Variants in IPO5 observed in about 807,000 individuals in gnomAD.
The protein encoded by IPO5 is importin-5.
Under a neutral mutation model 143.3 loss-of-function variants are expected in IPO5, and 18 were observed. The ratio of observed to expected loss-of-function variants is 0.13; its 90% CI spans 0.09 to 0.19. The LOEUF (loss-of-function observed/expected upper bound fraction) is 0.19, where lower values mean the gene tolerates loss of function less well. Among genes scored for constraint, IPO5 ranks in the 10% least tolerant of loss-of-function variants. IPO5 has a pLI of 1.00. For missense variants in IPO5, 1,013 were observed against 1,336.9 expected (o/e 0.76, Z 3.78); for synonymous variants, 477 against 465.7 (o/e 1.02, Z -0.31).
At chr13:98,014,278 AG>A in intron 22 of IPO5, 64 bp downstream of exon 22, 1 of 1,295,518 alleles carries the variant, frequency 7.7e-7, no homozygotes, top group Non-Finnish European at 1.1e-6. Context: ...TCTTGCTAAA[AG>A]TAAAAAAAAA....
chr13:97,958,584 G>T (rs935563392), intron 2 of IPO5, among the ~76,000 whole-genome samples: 1 of 151,390 alleles, frequency 6.6e-6, no homozygotes, highest in Admixed American at 6.6e-5. Flanking sequence ...CTTATGGAAG[G>T]CCCTCAAACT....
chr13:98,002,699 T>A lies in IPO5; in HGVS notation c.1249T>A (p.Tyr417Asn). 1.2e-6 allele frequency: 2 copies of A among 1,611,924 alleles called. No homozygotes were observed. The highest frequency in any genetic ancestry group is 1.7e-6 in the Non-Finnish European group (2 of 1,179,100). Residue 417 changes from tyrosine to asparagine, a missense_variant, in exon 15 of 29, where the codon TAT (tyrosine) becomes AAT (asparagine). Tyr to Asn is a moderately radical substitution (Grantham distance 143, BLOSUM62 -2). Transcript: ENST00000651721. ...FLQDPHPRVRYAACNAVGQMA... is the reference protein window; with the variant it reads ...FLQDPHPRVRNAACNAVGQMA... ...CATTTTCCAGCATCCAAGAGTAAGG[T>A]ATGCAGCCTGTAATGCCGTGGGACA...
intron 25 of IPO5, among the ~76,000 whole-genome samples, chr13:98,017,322 TTTTG>T (rs762272316): frequency 8.6e-5 from 13 of 152,000 alleles, no homozygotes; most frequent in Admixed American, 2.0e-4. Context: ...ATAGACTTCT[TTTTG>T]TTTGTTTGTT....
rs1889651642 is a variant in IPO5, at chr13:98,010,807, G to A, written c.2055+583G>A. On this transcript the variant is annotated intron_variant, in intron 20 of 28. Coordinates refer to ENST00000651721, the MANE Select transcript of IPO5 (RefSeq NM_002271.6). Reference sequence around the variant, plus strand: ...TTTTTTTTTTTTTTTTTGAGGTGGAGTCTCTCTTTTTCACCCAGGCTGGAG... The same window carrying A: ...TTTTTTTTTTTTTTTTTGAGGTGGAATCTCTCTTTTTCACCCAGGCTGGAG... Among the ~76,000 whole-genome samples the A allele has an allele frequency of 1.4e-4, 4 of 28,954 alleles. No individual in the cohort carries two copies. The South Asian group carries it at 3.7e-3, about 27-fold the overall frequency. 19.0% of individuals were successfully genotyped at this position (28,954 alleles called of 152,430 possible).
intron 20 of IPO5, 149 bp downstream of exon 20, chr13:98,010,373 C>T (rs887471129): frequency 1.0e-4 from 75 of 744,308 alleles, no homozygotes; most frequent in Non-Finnish European, 1.4e-4. Flanking sequence ...TTAAAGAAAT[C>T]GTATGGATAA....
At chr13:98,014,309 G>C in intron 22 of IPO5, 95 bp downstream of exon 22, 2 of 879,262 alleles carry the variant, frequency 2.3e-6, no homozygotes, top group Admixed American at 5.3e-5. Context: ...ACAGGGTATT[G>C]CTCTGTCACC....
intron 16 of IPO5, among the ~76,000 whole-genome samples, chr13:98,004,264 G>A (rs775495271): frequency 2.1e-4 from 32 of 152,200 alleles, no homozygotes; most frequent in Non-Finnish European, 3.2e-4. Context: ...CATAGCACTG[G>A]CAATTGGTCA....
rs943168004 is a variant in IPO5, at chr13:98,022,989, A to G, written c.*1167A>G. 9 of 152,670 alleles carry G rather than the reference A, an allele frequency of 5.9e-5. No homozygotes were observed. Among genetic ancestry groups the G allele is most frequent in the African/African-American group, 2.2e-4 (9 of 41,478 alleles). 9.5% of individuals were successfully genotyped at this position (152,670 alleles called of 1,614,324 possible). On this transcript the variant is annotated 3_prime_UTR_variant, in exon 29 of 29. Transcript: ENST00000651721. ...TTCTGTTGAAAACTTCAGTGTTAAC[A>G]TTTTTATAGTTTGTACTAAATTTAA...
At chr13:98,000,062 A>T (rs976570670) in intron 12 of IPO5, among the ~76,000 whole-genome samples, 2 of 152,180 alleles carry the variant, frequency 1.3e-5, no homozygotes, top group African/African-American at 4.8e-5. Flanking sequence ...AGGCGGGCGC[A>T]TCACAAAGTC....
intron 24 of IPO5, among the ~76,000 whole-genome samples, chr13:98,016,223 T>C (rs1353319116): frequency 6.6e-6 from 1 of 152,210 alleles, no homozygotes; most frequent in African/African-American, 2.4e-5. Context: ...ATTGTGTGTT[T>C]AGAGTCCAGC....
At chr13:97,983,153 GAGCCGCCACGCCC>G (rs1041320092) in intron 5 of IPO5, among the ~76,000 whole-genome samples, 7 of 152,222 alleles carry the variant, frequency 4.6e-5, no homozygotes, top group African/African-American at 1.4e-4. Context: ...TTACAGGCAT[GAGCCGCCACGCCC>G]AGCCTAATTT....
chr13:97,965,198 G>A (rs1424501296), intron 2 of IPO5, among the ~76,000 whole-genome samples: 1 of 152,128 alleles, frequency 6.6e-6, no homozygotes, highest in East Asian at 1.9e-4. Context: ...CGGGGGGTGG[G>A]GGACAAGGGA....
intron 20 of IPO5, among the ~76,000 whole-genome samples, chr13:98,011,030 C>T (rs1208185609): frequency 6.6e-6 from 1 of 151,778 alleles, no homozygotes; most frequent in Non-Finnish European, 1.5e-5. Context: ...ATCCGCCTGC[C>T]ATGACCTGGG....
intron 12 of IPO5, among the ~76,000 whole-genome samples, chr13:97,999,579 A>G (rs372346556): frequency 3.9e-5 from 6 of 152,286 alleles, no homozygotes; most frequent in East Asian, 1.9e-4. Context: ...TCTGAAGATA[A>G]TTTATAGTTT....
At chr13:98,012,082 ACT>A (rs1356171579) in intron 20 of IPO5, among the ~76,000 whole-genome samples, 162 bp from the exon 21 acceptor site, 2 of 150,762 alleles carry the variant, frequency 1.3e-5, no homozygotes, top group African/African-American at 2.4e-5. Context: ...TTCTTTTAAG[ACT>A]CTTTTTAGTT....
intron 12 of IPO5, 121 bp downstream of exon 12, chr13:97,997,739 C>A: frequency 2.2e-6 from 1 of 453,628 alleles, no homozygotes. Context: ...GGGCACTTTG[C>A]CTTGCTGTTG....
At chr13:98,013,610 G>C (rs980170037) in intron 21 of IPO5, among the ~76,000 whole-genome samples, 3 of 152,080 alleles carry the variant, frequency 2.0e-5, no homozygotes, top group African/African-American at 7.2e-5. Flanking sequence ...AATGAGATTA[G>C]ATAGGGAAAG....
At chr13:97,954,581 A>G (rs1884337310) in intron 2 of IPO5, among the ~76,000 whole-genome samples, 1 of 152,242 alleles carries the variant, frequency 6.6e-6, no homozygotes, top group Admixed American at 6.5e-5. Context: ...GAAGGAAAAC[A>G]GAATTCATTT....
At position 98,023,078 on chromosome 13, in the gene IPO5, A is replaced by AT; in HGVS notation, c.*1257dup. 6.5e-6 allele frequency: 1 copy of AT among 152,808 alleles called. No individual in the cohort carries two copies. The highest frequency in any genetic ancestry group is 6.5e-5 in the Admixed American group (1 of 15,306). The allele number at this position is 152,808 out of a possible 1,614,324, so 9.5% of individuals were successfully genotyped here. On this transcript the variant is annotated 3_prime_UTR_variant, in exon 29 of 29. Coordinates refer to ENST00000651721, the MANE Select transcript of IPO5 (RefSeq NM_002271.6). Reference sequence around the variant, plus strand: ...TTTAAATTAAAGGTTTTTTCTTTAAATGATTTGTATTACTTTATTAAAACT... The same window carrying AT: ...TTTAAATTAAAGGTTTTTTCTTTAAATTGATTTGTATTACTTTATTAAAACT...
Sources: gnomAD v4.1 joint callset for allele counts (sites outside exome capture counted in the v4.1 genomes callset) on GRCh38, gnomAD v4.1.1 for gene constraint, MANE v1.5 for transcripts, NCBI Gene and HGNC (gene_info 2026-07-23, HGNC 2026-07-21) for gene names.